The following INSL6 variants were observed in gnomAD, a reference collection of about 807,000 sequenced individuals.
The protein encoded by INSL6 is insulin like 6, also known as insulin-like peptide INSL6.
INSL6 carries 16 observed loss-of-function variants against 9.4 expected under a neutral mutation model. The observed-to-expected ratio is 1.70, with a 90% CI of 1.15 to 2.59. INSL6 has a LOEUF of 2.59. INSL6 is among the 30% of genes most tolerant of loss of function. INSL6 has a pLI of 0.00. For synonymous variants in INSL6, 154 were observed against 96.9 expected (o/e 1.59, Z -3.46); for missense variants, 391 against 257.3 (o/e 1.52, Z -3.56).
At chr9:5,132,872 G>C (rs928166829) in intron 3 of INSL6, 1 of 152,186 alleles carries the variant, frequency 6.6e-6, no homozygotes, top group Non-Finnish European at 1.5e-5. Flanking sequence ...AAAATTAGAA[G>C]ATTACAACTT....
At chr9:5,183,454 T>G (rs1284145015) in intron 1 of INSL6, among the ~76,000 whole-genome samples, 1 of 152,236 alleles carries the variant, frequency 6.6e-6, no homozygotes, top group Non-Finnish European at 1.5e-5. Flanking sequence ...CTGCTCATTA[T>G]TAATGACATT....
the INSL6 span, among the ~76,000 whole-genome samples, chr9:5,081,164 G>T: frequency 6.6e-6 from 1 of 151,658 alleles, no homozygotes; most frequent in Non-Finnish European, 1.5e-5. Flanking sequence ...CAAAGTGCTG[G>T]GATTACAGGC....
chr9:5,041,028 C>A, the INSL6 span: 1 of 669,676 alleles, frequency 1.5e-6, no homozygotes. Context: ...ACCTGGGTAC[C>A]GGTTCTACAA....
chr9:5,183,385 T>A (rs943709347), intron 1 of INSL6, among the ~76,000 whole-genome samples: 7 of 152,224 alleles, frequency 4.6e-5, no homozygotes, highest in Non-Finnish European at 1.0e-4. Flanking sequence ...GGTATAACAA[T>A]TTTCAAATAT....
chr9:5,012,304 T>A, the INSL6 span, among the ~76,000 whole-genome samples: 1 of 152,146 alleles, frequency 6.6e-6, no homozygotes, highest in South Asian at 2.1e-4. Flanking sequence ...CTTTCAAGGG[T>A]CATATCCCCC....
the INSL6 span, chr9:5,041,373 T>A: frequency 1.6e-6 from 1 of 625,412 alleles, no homozygotes; most frequent in South Asian, 1.7e-5. Flanking sequence ...AACATGCACC[T>A]GGGCAAGGAG....
intron 1 of INSL6, among the ~76,000 whole-genome samples, chr9:5,174,455 C>T (rs1825253371): frequency 6.6e-6 from 1 of 152,238 alleles, no homozygotes; most frequent in South Asian, 2.1e-4. Context: ...ACACCTCTTC[C>T]TGACATACTT....
the INSL6 span, among the ~76,000 whole-genome samples, chr9:4,992,722 G>C: frequency 2.0e-5 from 3 of 152,156 alleles, no homozygotes; most frequent in Non-Finnish European, 2.9e-5. Context: ...CCCATGAAGA[G>C]ACAGTTTATA....
downstream of INSL6, among the ~76,000 whole-genome samples, chr9:5,159,658 T>C (rs1191152361): frequency 6.6e-6 from 1 of 152,148 alleles, no homozygotes; most frequent in Non-Finnish European, 1.5e-5. Context: ...AAAGCAAACA[T>C]TGTTGGAGCT....
the INSL6 span, chr9:5,040,982 AATTGGAGCT>A: frequency 1.6e-6 from 1 of 613,158 alleles, no homozygotes; most frequent in Non-Finnish European, 3.0e-6. Flanking sequence ...GTGGCTATCA[AATTGGAGCT>A]GATCAAGTTC....
At chr9:5,085,081 G>A in the INSL6 span, 1 of 673,640 alleles carries the variant, frequency 1.5e-6, no homozygotes, top group South Asian at 1.4e-5. Flanking sequence ...CTCTCTTATT[G>A]CTTCATGGCA....
chr9:5,076,009 G>T, the INSL6 span, among the ~76,000 whole-genome samples: 6 of 152,150 alleles, frequency 3.9e-5, no homozygotes, highest in Non-Finnish European at 8.8e-5. Flanking sequence ...TTTAATGAAG[G>T]AAGTCACTGC....
chr9:5,063,486 T>G, the INSL6 span, among the ~76,000 whole-genome samples: 6 of 152,218 alleles, frequency 3.9e-5, no homozygotes, highest in Non-Finnish European at 7.3e-5. Context: ...CTGGTAACTA[T>G]GTTTTCATCT....
chr9:5,085,136 G>A, the INSL6 span: 91 of 647,224 alleles, frequency 1.4e-4, no homozygotes, highest in African/African-American at 1.4e-3. Flanking sequence ...CCATCACTCT[G>A]TAATACATAC....
the INSL6 span, among the ~76,000 whole-genome samples, chr9:5,074,938 C>A: frequency 6.6e-6 from 1 of 152,196 alleles, no homozygotes; most frequent in Non-Finnish European, 1.5e-5. Context: ...TTGAAGGAAA[C>A]TGAAAGTGCT....
downstream of INSL6, among the ~76,000 whole-genome samples, chr9:5,158,925 GACT>G (rs147857046): frequency 6.1e-3 from 932 of 152,132 alleles, 8 homozygotes; most frequent in African/African-American, 0.021. Context: ...TCAAAATAAT[GACT>G]ACAAGAACTT....
chr9:5,077,962 G>C, the INSL6 span, among the ~76,000 whole-genome samples: 1 of 152,148 alleles, frequency 6.6e-6, no homozygotes, highest in Non-Finnish European at 1.5e-5. Context: ...CCAGTCATCA[G>C]ACCCCTCAGG....
chr9:5,059,767 T>A, the INSL6 span, among the ~76,000 whole-genome samples: 1 of 152,192 alleles, frequency 6.6e-6, no homozygotes, highest in Admixed American at 6.5e-5. Context: ...TGGTAGCTAT[T>A]GTAGTTTTTA....
At chr9:5,047,101 G>A in the INSL6 span, among the ~76,000 whole-genome samples, 12 of 151,946 alleles carry the variant, frequency 7.9e-5, 1 homozygote, top group African/African-American at 2.4e-4. Context: ...AGTACCACAA[G>A]CAATTTTCTA....
Sources: allele counts gnomAD v4.1 joint callset (sites outside exome capture counted in the v4.1 genomes callset), GRCh38; gene constraint gnomAD v4.1.1; transcripts MANE v1.5; gene names NCBI Gene and HGNC (gene_info 2026-07-23, HGNC 2026-07-21).